SF3A2: variants seen among roughly 807,000 people sequenced by gnomAD.
The protein encoded by SF3A2 is SAP 62.
SF3A2 carries 5 observed loss-of-function variants against 31.1 expected under a neutral mutation model. That is an observed-to-expected ratio of 0.16 (90% CI 0.08 to 0.34). SF3A2 has a LOEUF of 0.34. SF3A2 is among the 10% of genes least tolerant of loss of function. SF3A2 has a pLI of 1.00. For missense variants in SF3A2, 577 were observed against 643.9 expected, an observed-to-expected ratio of 0.90 and a Z score of 1.13; for synonymous variants, 365 against 263.7, an observed-to-expected ratio of 1.38 and a Z score of -3.72.
chr19:2,244,560 A>G lies in SF3A2; in HGVS notation c.143A>G (p.Lys48Arg), dbSNP rs1276066473. 1 of 1,613,934 alleles carries G rather than the reference A, an allele frequency of 6.2e-7. No individual in the cohort carries two copies. Among genetic ancestry groups the G allele is most frequent in the Non-Finnish European group, 8.5e-7 (1 of 1,179,956 alleles). ...IDINKDPYFMKNHLGSYECKL... is the reference protein window; with the variant it reads ...IDINKDPYFMRNHLGSYECKL... ...CCCCTCCAGGACCCGTACTTCATGAAGAACCACCTGGGCTCCTATGAATGC... is the reference window on the plus strand; with the variant it reads ...CCCCTCCAGGACCCGTACTTCATGAGGAACCACCTGGGCTCCTATGAATGC... Residue 48 changes from lysine to arginine, a missense_variant, in exon 3 of 9, where the codon AAG (lysine) becomes AGG (arginine). Coordinates refer to ENST00000221494, the MANE Select transcript of SF3A2 (RefSeq NM_007165.5).
intron 1 of SF3A2, among the ~76,000 whole-genome samples, chr19:2,238,618 C>A (rs1019550284): frequency 6.6e-6 from 1 of 152,218 alleles, no homozygotes; most frequent in African/African-American, 2.4e-5. Flanking sequence ...CTAGGCTTTT[C>A]TTGTACCATT....
chr19:2,247,476 TCTC>T (rs1209066872), intron 7 of SF3A2, 115 bp from the exon 8 acceptor site: 41 of 988,418 alleles, frequency 4.1e-5, no homozygotes, highest in African/African-American at 2.9e-4. Flanking sequence ...TTACCAGCCT[TCTC>T]CTGGGCTCCC....
At position 2,245,541 on chromosome 19, in the gene SF3A2, G is replaced by A; in HGVS notation, c.341G>A (p.Arg114His). ...VEVKKFVKIG[R>H]PGYKVTKQRD... ...GTGAAGAAGTTTGTGAAGATCGGCCGCCCGGGCTACAAAGGTGAGTCTGCC... is the reference window on the plus strand; with the variant it reads ...GTGAAGAAGTTTGTGAAGATCGGCCACCCGGGCTACAAAGGTGAGTCTGCC... Residue 114 changes from arginine to histidine, a missense_variant, in exon 5 of 9, where the codon CGC becomes CAC. This residue lies in a region of SF3A2 where 17 missense variants were observed against 113.8 expected (regional missense o/e 0.15). Coordinates refer to ENST00000221494, the MANE Select transcript of SF3A2 (RefSeq NM_007165.5). The surrounding 1 kb of genome is among the most constrained non-coding windows in gnomAD (Gnocchi z 4.2). 6.4e-7 allele frequency: 1 copy of A among 1,550,620 alleles called. No homozygotes were observed. Among genetic ancestry groups the A allele is most frequent in the Non-Finnish European group, 8.7e-7 (1 of 1,146,586 alleles).
At chr19:2,237,118 T>G (rs945404365) in intron 1 of SF3A2, among the ~76,000 whole-genome samples, 3 of 151,612 alleles carry the variant, frequency 2.0e-5, no homozygotes, top group African/African-American at 7.3e-5. Context: ...GAACTCTATT[T>G]CCAAACTCCT....
In SF3A2 at chr19:2,247,849, C is replaced by T. The variant is rs575076689; in HGVS notation, c.698C>T (p.Pro233Leu). Residue 233 changes from proline to leucine, a missense_variant, in exon 9 of 9, where the codon CCT (proline) becomes CTT (leucine). By Grantham distance (98) the Pro-to-Leu change is moderately conservative. This residue lies in a region of SF3A2 where 462 missense variants were observed against 339.1 expected (regional missense o/e 1.36). Transcript: ENST00000221494. Reference sequence around the variant, plus strand: ...GCTGGCCCCCCTGGGGTGAAGCGGCCTCCACCCCCGCTGATGAACGGTCTG... The same window carrying T: ...GCTGGCCCCCCTGGGGTGAAGCGGCTTCCACCCCCGCTGATGAACGGTCTG... The part of the protein sequence containing the change: ...LPAGPPGVKR[P>L]PPPLMNGLPP... 5 of 1,543,242 alleles carry T rather than the reference C, an allele frequency of 3.2e-6. No individual in the cohort carries two copies. Among genetic ancestry groups the T allele is most frequent in the Non-Finnish European group, 4.5e-6 (5 of 1,122,754 alleles).
chr19:2,245,009 A>G lies in SF3A2; in HGVS notation c.245+230A>G, dbSNP rs1435818613. 1 of 570,524 alleles carries G rather than the reference A, an allele frequency of 1.8e-6. No individual in the cohort carries two copies. The highest frequency in any genetic ancestry group is 1.9e-5 in the African/African-American group (1 of 53,038). 35.3% of individuals were successfully genotyped at this position (570,524 alleles called of 1,614,324 possible). ...AGACCAGCCTGGCCAACATTGTGAA[A>G]CTCCATCTCTACTAAAAATACAAAA... On this transcript the variant is annotated intron_variant, in intron 4 of 8. Coordinates refer to ENST00000221494, the MANE Select transcript of SF3A2 (RefSeq NM_007165.5). The surrounding 1 kb of genome is among the most constrained non-coding windows in gnomAD (Gnocchi z 4.2).
chr19:2,237,882 C>T (rs1361477228), intron 1 of SF3A2: 3 of 152,222 alleles, frequency 2.0e-5, no homozygotes, highest in Non-Finnish European at 2.9e-5. Flanking sequence ...CCAGGCGGAG[C>T]TCTGGAAAAT....
Position 2,247,772 on chromosome 19 carries a change from C to T in SF3A2, c.621C>T (p.Phe207=), listed in dbSNP as rs1030860941. ...ACCTTTCTCCGTCTCTCTAGTTCTTCCTCCAGTTCCACTTTAAGATGGAGA... is the reference window on the plus strand; with the variant it reads ...ACCTTTCTCCGTCTCTCTAGTTCTTTCTCCAGTTCCACTTTAAGATGGAGA... ...THWNRETKQF[F]LQFHFKMEKP... The change falls in exon 9 of 9, where the codon TTC becomes TTT. Residue 207 remains phenylalanine (F), a synonymous_variant. Transcript: ENST00000221494. 9.9e-6 allele frequency: 16 copies of T among 1,611,736 alleles called. No homozygotes were observed. The African/African-American group carries it at 1.1e-4, about 11-fold the overall frequency.
Position 2,248,160 on chromosome 19 carries a change from C to T in SF3A2, c.1009C>T (p.His337Tyr), listed in dbSNP as rs1469712561. 2.7e-6 allele frequency: 4 copies of T among 1,477,192 alleles called. No homozygotes were observed. The highest frequency in any genetic ancestry group is 3.7e-6 in the Non-Finnish European group (4 of 1,089,912). The allele number at this position is 1,477,192 out of a possible 1,614,324, so 91.5% of individuals were successfully genotyped here. ...GGTCCACCCCCCAGCTCCTGGAGTC[C>T]ACCCTCCAGCCCCCGGGGTTCACCC... ...SGVHPPAPGV[H>Y]PPAPGVHPPA... Residue 337 changes from histidine (H) to tyrosine (Y), a missense_variant, in exon 9 of 9, where the codon CAC becomes TAC. By Grantham distance (83) the His-to-Tyr change is moderately conservative. Coordinates refer to ENST00000221494, the MANE Select transcript of SF3A2 (RefSeq NM_007165.5).
At chr19:2,240,065 A>G (rs552979207) in intron 1 of SF3A2, among the ~76,000 whole-genome samples, 19 of 152,322 alleles carry the variant, frequency 1.2e-4, no homozygotes, top group African/African-American at 3.4e-4. Context: ...AGGGAGGTCA[A>G]CTGCCCAGTG....
At position 2,248,411 on chromosome 19, in the gene SF3A2, G is replaced by T; in HGVS notation, c.1260G>T (p.Gly420=). Residue 420 remains glycine (G), a synonymous_variant, in exon 9 of 9, where the codon GGG becomes GGT. Transcript: ENST00000221494. ...QPPGVHPSAP[G]VHPQPPGVHP... ...CCGGGGTCCATCCGTCGGCTCCTGG[G>T]GTCCACCCTCAGCCTCCGGGAGTTC... The T allele has an allele frequency of 7.2e-7, 1 of 1,380,024 alleles. No individual in the cohort carries two copies. The highest frequency in any genetic ancestry group is 9.3e-7 in the Non-Finnish European group (1 of 1,070,444). The allele number at this position is 1,380,024 out of a possible 1,614,324, so 85.5% of individuals were successfully genotyped here.
chr19:2,244,527 CT>C lies in SF3A2; in HGVS notation c.127-16del. 6.2e-7 allele frequency: 1 copy of C among 1,609,906 alleles called. No homozygotes were observed. ...CCGCGATCTTCTGTCTAACGGGCCC[CT>C]GTTCTTCCCCTCCAGGACCCGTACT... On this transcript the variant is annotated splice_polypyrimidine_tract_variant and intron_variant, in intron 2 of 8. Coordinates refer to ENST00000221494, the MANE Select transcript of SF3A2 (RefSeq NM_007165.5).
At position 2,247,974 on chromosome 19, in the gene SF3A2, C is replaced by T; in HGVS notation, c.823C>T (p.Pro275Ser). The T allele has an allele frequency of 9.4e-7, 1 of 1,059,400 alleles. No individual in the cohort carries two copies. The highest frequency in any genetic ancestry group is 1.4e-6 in the Non-Finnish European group (1 of 709,900). 65.6% of individuals were successfully genotyped at this position (1,059,400 alleles called of 1,614,324 possible). The change falls in exon 9 of 9, where the codon CCG (proline) becomes TCG (serine). Residue 275 changes from proline to serine, a missense_variant. Coordinates refer to ENST00000221494, the MANE Select transcript of SF3A2 (RefSeq NM_007165.5). ...CACAGGGCCTGCGCCCTCAGGGCCC[C>T]CGGGACCACCCCAGCTACCCCCGCC... ...PPTGPAPSGP[P>S]GPPQLPPPAP...
rs1051317396 is a variant in SF3A2, at chr19:2,246,201, G to A, written c.356-552G>A. Among the ~76,000 whole-genome samples, 2 of 152,106 alleles carry A rather than the reference G, an allele frequency of 1.3e-5. No homozygotes were observed. Among genetic ancestry groups the A allele is most frequent in the Admixed American group, 6.6e-5 (1 of 15,264 alleles). On this transcript the variant is annotated intron_variant, in intron 5 of 8. Coordinates refer to ENST00000221494, the MANE Select transcript of SF3A2 (RefSeq NM_007165.5). The surrounding 1 kb of genome is among the most constrained non-coding windows in gnomAD (Gnocchi z 5.5). ...AGAGCGGCAGGCTCCTGGTGGGGAG[G>A]CCCTGACAGGTCCTGGGCTTGGGCT...
chr19:2,246,644 G>C lies in SF3A2; in HGVS notation c.356-109G>C, dbSNP rs1405068097. ...GTCTAATGGTTGCCAGAGCTGCAGG[G>C]CCTCCCCCGGGGTCCCGCTCTCGTT... is the stretch of plus-strand genomic sequence containing the variant. On this transcript the variant is annotated intron_variant, in intron 5 of 8. Coordinates refer to ENST00000221494, the MANE Select transcript of SF3A2 (RefSeq NM_007165.5). This position sits in a 1 kb window ranked among gnomAD's most constrained non-coding sequence, Gnocchi z 5.5. 7 of 1,267,818 alleles carry C rather than the reference G, an allele frequency of 5.5e-6. No homozygotes were observed. Among genetic ancestry groups the C allele is most frequent in the Non-Finnish European group, 6.7e-6 (6 of 895,316 alleles). The allele number at this position is 1,267,818 out of a possible 1,614,324, so 78.5% of individuals were successfully genotyped here. A position where few individuals can be genotyped will look rare whatever the true frequency, so the allele number is the denominator to read the frequency against.
In SF3A2 at chr19:2,248,469, C is replaced by G; in HGVS notation, c.1318C>G (p.Pro440Ala). ...PSNPGVHPPT[P>A]MPPMLRPPLP... The stretch of plus-strand genomic sequence containing the variant: ...AAATCCTGGGGTGCACCCCCCAACT[C>G]CCATGCCCCCAATGCTGAGGCCCCC... The change falls in exon 9 of 9, where the codon CCC becomes GCC. Residue 440 changes from proline to alanine, a missense_variant. This residue lies in a region of SF3A2 where 462 missense variants were observed against 339.1 expected (regional missense o/e 1.36). Coordinates refer to ENST00000221494, the MANE Select transcript of SF3A2 (RefSeq NM_007165.5). 1.6e-6 allele frequency: 2 copies of G among 1,224,502 alleles called. No individual in the cohort carries two copies. The highest frequency in any genetic ancestry group is 3.5e-5 in the Admixed American group (1 of 28,354). 75.9% of individuals were successfully genotyped at this position (1,224,502 alleles called of 1,614,324 possible). A position where few individuals can be genotyped will look rare whatever the true frequency, so the allele number is the denominator to read the frequency against.
intron 1 of SF3A2, among the ~76,000 whole-genome samples, chr19:2,242,337 G>A (rs2024898233): frequency 6.6e-6 from 1 of 152,238 alleles, no homozygotes; most frequent in Non-Finnish European, 1.5e-5. Flanking sequence ...CCTTCTGGAG[G>A]CTCTGGGGGA....
chr19:2,248,449 C>G lies in SF3A2; in HGVS notation c.1298C>G (p.Pro433Arg). The G allele has an allele frequency of 7.4e-7, 1 of 1,346,868 alleles. No homozygotes were observed. The highest frequency in any genetic ancestry group is 9.6e-7 in the Non-Finnish European group (1 of 1,042,246). 83.4% of individuals were successfully genotyped at this position (1,346,868 alleles called of 1,614,324 possible). A position where few individuals can be genotyped will look rare whatever the true frequency, so the allele number is the denominator to read the frequency against. The part of the protein sequence containing the change: ...PQPPGVHPSN[P>R]GVHPPTPMPP... The stretch of plus-strand genomic sequence containing the variant: ...CCTCCGGGAGTTCACCCCTCAAATC[C>G]TGGGGTGCACCCCCCAACTCCCATG... Residue 433 changes from proline (P) to arginine (R), a missense_variant, in exon 9 of 9, where the codon CCT becomes CGT. Physicochemically the swap from Pro to Arg is moderately radical, Grantham distance 103. Coordinates refer to ENST00000221494, the MANE Select transcript of SF3A2 (RefSeq NM_007165.5).
At position 2,245,740 on chromosome 19, in the gene SF3A2, C is replaced by T; in HGVS notation, c.355+185C>T. The T allele has an allele frequency of 8.3e-6, 5 of 604,762 alleles. No individual in the cohort carries two copies. Among genetic ancestry groups the T allele is most frequent in the South Asian group, 5.7e-5 (3 of 52,210 alleles). The allele number at this position is 604,762 out of a possible 1,614,324, so 37.5% of individuals were successfully genotyped here. On this transcript the variant is annotated intron_variant, in intron 5 of 8. Transcript: ENST00000221494. This position sits in a 1 kb window ranked among gnomAD's most constrained non-coding sequence, Gnocchi z 4.2. Reference sequence around the variant, plus strand: ...GTGTCTGGGAGCTGTCAGGCTGGGCCCGATAAGCACCCATCTCACCCAGCA... The same window carrying T: ...GTGTCTGGGAGCTGTCAGGCTGGGCTCGATAAGCACCCATCTCACCCAGCA...
Sources: allele counts gnomAD v4.1 joint callset (sites outside exome capture counted in the v4.1 genomes callset), GRCh38; gene constraint gnomAD v4.1.1; regional missense constraint gnomAD v4.1.1; non-coding constraint Gnocchi (gnomAD v3.1); transcripts MANE v1.5; gene names NCBI Gene and HGNC (gene_info 2026-07-23, HGNC 2026-07-21).